Variants in DOLPP1 observed in about 807,000 individuals in gnomAD.
The protein encoded by DOLPP1 is dolichyldiphosphatase 1.
Under a neutral mutation model 34.1 loss-of-function variants are expected in DOLPP1, and 15 were observed. The ratio of observed to expected loss-of-function variants is 0.44; its 90% CI spans 0.29 to 0.68. The LOEUF (loss-of-function observed/expected upper bound fraction) is 0.68, where lower values mean the gene tolerates loss of function less well. Among genes scored for constraint, DOLPP1 ranks in the 30% least tolerant of loss-of-function variants. The pLI, the probability that DOLPP1 is intolerant of heterozygous loss-of-function variation, is 0.12. For missense variants in DOLPP1, 249 were observed against 307.1 expected (o/e 0.81, Z 1.41); for synonymous variants, 130 against 128.2 (o/e 1.01, Z -0.10).
chr9:129,088,864 G>A, intron 7 of DOLPP1, 107 bp from the exon 8 acceptor site: 1 of 1,109,554 alleles, frequency 9.0e-7, no homozygotes, highest in Non-Finnish European at 1.4e-6. Flanking sequence ...GCTGGCTACT[G>A]GGTGTGGGCA....
At chr9:129,086,084 G>A (rs1274881351) in intron 5 of DOLPP1, 55 bp from the exon 6 acceptor site, 1 of 1,584,268 alleles carries the variant, frequency 6.3e-7, no homozygotes, top group Non-Finnish European at 8.6e-7. Context: ...AGTGGGGATT[G>A]TGCGGGCCTG....
chr9:129,084,611 G>A (rs1588431001), intron 1 of DOLPP1, 57 bp from the exon 2 acceptor site: 1 of 1,242,896 alleles, frequency 8.0e-7, no homozygotes, highest in Non-Finnish European at 1.2e-6. Flanking sequence ...GTAGGGGGCT[G>A]GTCCCTCTTC....
intron 1 of DOLPP1, among the ~76,000 whole-genome samples, chr9:129,081,734 G>A (rs933564111): frequency 2.0e-5 from 3 of 152,234 alleles, no homozygotes; most frequent in Admixed American, 1.3e-4. Context: ...ACAACAGAGA[G>A]GACCCGATGA....
Position 129,089,626 on chromosome 9 carries a change from C to T in DOLPP1, c.*619C>T, listed in dbSNP as rs539786330. ...AGTGTTTCCCTGTCTGGGGGCAGGG[C>T]CCAGAGCGAGCACGCGTCTGGCGGC... On this transcript the variant is annotated 3_prime_UTR_variant, in exon 8 of 8. Coordinates refer to ENST00000372546, the MANE Select transcript of DOLPP1 (RefSeq NM_020438.5). This position sits in a 1 kb window ranked among gnomAD's most constrained non-coding sequence, Gnocchi z 4.9. The T allele has an allele frequency of 1.3e-5, 2 of 156,042 alleles. No homozygotes were observed. The highest frequency in any genetic ancestry group is 1.2e-4 in the Admixed American group (2 of 16,112). 9.7% of individuals were successfully genotyped at this position (156,042 alleles called of 1,614,324 possible).
At position 129,085,151 on chromosome 9, in the gene DOLPP1, G is replaced by T; in HGVS notation, c.262+44G>T. 6.2e-7 allele frequency: 1 copy of T among 1,610,768 alleles called. No homozygotes were observed. Among genetic ancestry groups the T allele is most frequent in the Non-Finnish European group, 8.5e-7 (1 of 1,178,176 alleles). On this transcript the variant is annotated intron_variant, in intron 3 of 7. Coordinates refer to ENST00000372546, the MANE Select transcript of DOLPP1 (RefSeq NM_020438.5). This position sits in a 1 kb window ranked among gnomAD's most constrained non-coding sequence, Gnocchi z 7.0. ...GGGCCTGAGGTTCCCCCAGGTTGGG[G>T]CGTTACTGGGAGGTCTGCATCCCCC...
rs140369009 is a variant in DOLPP1 at position 129,084,723 on chromosome 9, C to T, written c.132C>T (p.Ile44=). The T allele has an allele frequency of 4.0e-4, 646 of 1,613,910 alleles. No individual in the cohort carries two copies. The highest frequency in any genetic ancestry group is 5.0e-4 in the Non-Finnish European group (589 of 1,179,922). The part of the protein sequence containing the change: ...AYLSLSPVFV[I]VGFVTLIIFK... Reference sequence around the variant, plus strand: ...TGAGCCTCAGCCCTGTATTTGTCATCGTCGGTTTCGTGACCCTCATCATAT... The same window carrying T: ...TGAGCCTCAGCCCTGTATTTGTCATTGTCGGTTTCGTGACCCTCATCATAT... Residue 44 remains isoleucine (I), a synonymous_variant, in exon 2 of 8, where the codon ATC becomes ATT. Transcript: ENST00000372546.
intron 7 of DOLPP1, among the ~76,000 whole-genome samples, chr9:129,087,393 G>A (rs1479360400): frequency 6.8e-6 from 1 of 148,114 alleles, no homozygotes; most frequent in Non-Finnish European, 1.5e-5. Context: ...TCGGCTCACT[G>A]CAACCTCTGC....
At chr9:129,088,363 T>C (rs1847033803) in intron 7 of DOLPP1, among the ~76,000 whole-genome samples, 1 of 152,042 alleles carries the variant, frequency 6.6e-6, no homozygotes, top group Non-Finnish European at 1.5e-5. Flanking sequence ...GTCAGGTTTC[T>C]AGATTTTAAC....
At position 129,089,771 on chromosome 9, in the gene DOLPP1, C is replaced by T. The variant is rs1253142108; in HGVS notation, c.*764C>T. On this transcript the variant is annotated 3_prime_UTR_variant, in exon 8 of 8. Transcript: ENST00000372546. This position sits in a 1 kb window ranked among gnomAD's most constrained non-coding sequence, Gnocchi z 4.9. The stretch of plus-strand genomic sequence containing the variant: ...AGCCTGCACATTTGGGTGAGCAGAC[C>T]CAAGCTGTTTACAGCTCTTTCTTGT... 6.6e-6 allele frequency: 1 copy of T among 152,650 alleles called. No individual in the cohort carries two copies. Among genetic ancestry groups the T allele is most frequent in the Non-Finnish European group, 1.5e-5 (1 of 68,082 alleles). The allele number at this position is 152,650 out of a possible 1,614,324, so 9.5% of individuals were successfully genotyped here.
Position 129,086,336 on chromosome 9 carries a change from C to T in DOLPP1, c.590+69C>T, listed in dbSNP as rs558088956. 3.6e-5 allele frequency: 57 copies of T among 1,575,916 alleles called. No homozygotes were observed. The South Asian group carries it at 5.0e-4, about 14-fold the overall frequency. On this transcript the variant is annotated intron_variant, in intron 6 of 7. Transcript: ENST00000372546. ...TCCTGTGGGTGGGGCCATCAGTGGG[C>T]GGACCTAGGAGTCTTGACCCCAGCC...
chr9:129,081,466 G>T (rs1008365051), intron 1 of DOLPP1, among the ~76,000 whole-genome samples: 20 of 152,286 alleles, frequency 1.3e-4, no homozygotes, highest in African/African-American at 4.3e-4. Context: ...GTCCCGGGGC[G>T]CCGGTGGGCT....
intron 7 of DOLPP1, 39 bp downstream of exon 7, chr9:129,086,837 C>T (rs377543540): frequency 2.5e-6 from 4 of 1,581,836 alleles, no homozygotes; most frequent in African/African-American, 2.7e-5. Flanking sequence ...GGGCCAGCCA[C>T]AGGCAGCCTC....
chr9:129,087,009 G>C (rs1847002749), intron 7 of DOLPP1, among the ~76,000 whole-genome samples: 1 of 152,244 alleles, frequency 6.6e-6, no homozygotes, highest in Non-Finnish European at 1.5e-5. Flanking sequence ...TAGTGGGTGG[G>C]GGAGCAGGGT....
At chr9:129,088,134 G>A (rs1462639971) in intron 7 of DOLPP1, among the ~76,000 whole-genome samples, 1 of 138,160 alleles carries the variant, frequency 7.2e-6, no homozygotes, top group Non-Finnish European at 1.6e-5. Flanking sequence ...GGAGCTGGGG[G>A]TGGGGGGAGG....
At chr9:129,081,457 T>C (rs1846887752) in intron 1 of DOLPP1, among the ~76,000 whole-genome samples, 1 of 151,820 alleles carries the variant, frequency 6.6e-6, no homozygotes, top group African/African-American at 2.4e-5. Context: ...CTCCCCCGGG[T>C]CCCGGGGCGC....
At chr9:129,084,847 A>T in intron 2 of DOLPP1, 79 bp downstream of exon 2, 1 of 986,032 alleles carries the variant, frequency 1.0e-6, no homozygotes, top group Non-Finnish European at 1.4e-6. Flanking sequence ...TCCGCCCCTC[A>T]GTCCAGGGTT....
At chr9:129,082,789 C>A (rs1846913643) in intron 1 of DOLPP1, among the ~76,000 whole-genome samples, 1 of 152,194 alleles carries the variant, frequency 6.6e-6, no homozygotes, top group South Asian at 2.1e-4. Context: ...AGTTAAGAGC[C>A]AGGCCCTGTG....
rs1022775790 is a variant in DOLPP1, at chr9:129,085,796, C to G, written c.461+180C>G. On this transcript the variant is annotated intron_variant, in intron 5 of 7. Transcript: ENST00000372546. The surrounding 1 kb of genome is among the most constrained non-coding windows in gnomAD (Gnocchi z 7.0). The stretch of plus-strand genomic sequence containing the variant: ...CTCCAGCTGCCTCTTCTAGCCCAGT[C>G]CGCACTGAGCCCAAGATTCTGGGAC... Among the ~76,000 whole-genome samples the G allele has an allele frequency of 8.5e-5, 13 of 152,240 alleles. No individual in the cohort carries two copies. The highest frequency in any genetic ancestry group is 4.6e-4 in the Admixed American group (7 of 15,290).
chr9:129,086,227 C>T lies in DOLPP1; in HGVS notation c.550C>T (p.Gln184Ter), dbSNP rs1321325634. The change falls in exon 6 of 8, where the codon CAG becomes TAG. Residue 184 changes from glutamine (Q) to a stop codon, truncating the protein, a stop_gained. Coordinates refer to ENST00000372546, the MANE Select transcript of DOLPP1 (RefSeq NM_020438.5). LOFTEE classifies it high-confidence loss of function. ...LMAIAWFIFT[Q>*]EVLTPLFPRI... ...GGCCATCGCCTGGTTCATCTTCACC[C>T]AGGAGGTCCTCACCCCGCTGTTCCC... is the stretch of plus-strand genomic sequence containing the variant. 6.2e-7 allele frequency: 1 copy of T among 1,613,570 alleles called. No homozygotes were observed. The highest frequency in any genetic ancestry group is 1.1e-5 in the South Asian group (1 of 91,086).
Sources: gnomAD v4.1 joint callset for allele counts (sites outside exome capture counted in the v4.1 genomes callset) on GRCh38, gnomAD v4.1.1 for gene constraint, Gnocchi (gnomAD v3.1) non-coding constraint, MANE v1.5 for transcripts, NCBI Gene and HGNC (gene_info 2026-07-23, HGNC 2026-07-21) for gene names.